Variants in WWOX observed in about 807,000 individuals in gnomAD.
The protein encoded by WWOX is WW domain-containing oxidoreductase.
In WWOX, 69 loss-of-function variants were observed where a neutral mutation model predicts 46.2. That is an observed-to-expected ratio of 1.49 (90% CI 1.23 to 1.82). The LOEUF is 1.82. Ranked by LOEUF, WWOX falls within the 40% of genes most tolerant of loss-of-function variation. WWOX has a pLI of 0.00. For synonymous variants in WWOX, 359 were observed against 202.6 expected (o/e 1.77, Z -6.56); for missense variants, 919 against 542.6 (o/e 1.69, Z -6.89).
intron 8 of WWOX, chr16:78,550,732 A>G (rs1005563471): frequency 6.6e-6 from 1 of 152,112 alleles, no homozygotes; most frequent in Admixed American, 6.5e-5. Flanking sequence ...GTTGGATGGG[A>G]AGGCGGGAAA....
intron 8 of WWOX, among the ~76,000 whole-genome samples, chr16:79,050,600 C>T (rs532645700): frequency 2.0e-5 from 3 of 152,270 alleles, no homozygotes; most frequent in African/African-American, 7.2e-5. Flanking sequence ...GAAGAATGGG[C>T]CCCTGACCCA....
intron 5 of WWOX, among the ~76,000 whole-genome samples, chr16:78,334,988 G>T (rs1437334040): frequency 1.3e-5 from 2 of 151,420 alleles, no homozygotes; most frequent in African/African-American, 2.4e-5. Flanking sequence ...CGAAGACAGA[G>T]ACCAGAGGTT....
chr16:78,243,635 C>G (rs1356172780), intron 5 of WWOX, among the ~76,000 whole-genome samples: 1 of 152,184 alleles, frequency 6.6e-6, no homozygotes, highest in Non-Finnish European at 1.5e-5. Context: ...CAACCTCCAC[C>G]TCCTGGGTTC....
chr16:79,111,263 G>A (rs914417224), intron 8 of WWOX, among the ~76,000 whole-genome samples: 16 of 152,242 alleles, frequency 1.1e-4, no homozygotes, highest in African/African-American at 3.6e-4. Context: ...CCGGGACACA[G>A]GTGACACTGT....
chr16:78,337,794 A>G (rs2080927586), intron 5 of WWOX, among the ~76,000 whole-genome samples: 1 of 56,354 alleles, frequency 1.8e-5, no homozygotes. Context: ...TGAATCTTGA[A>G]GCTAGAGTTT....
intron 8 of WWOX, among the ~76,000 whole-genome samples, chr16:79,011,340 A>C (rs1469225882): frequency 6.6e-6 from 1 of 151,668 alleles, no homozygotes; most frequent in Non-Finnish European, 1.5e-5. Context: ...CTCTACATTC[A>C]AATTTTCATG....
intron 8 of WWOX, among the ~76,000 whole-genome samples, chr16:78,730,071 G>T (rs1157937944): frequency 2.0e-5 from 3 of 152,066 alleles, no homozygotes; most frequent in Non-Finnish European, 1.5e-5. Flanking sequence ...TTTTAGTTGT[G>T]TACATGGTGG....
chr16:79,052,816 A>G (rs2048193914), intron 8 of WWOX, among the ~76,000 whole-genome samples: 1 of 152,218 alleles, frequency 6.6e-6, no homozygotes, highest in Non-Finnish European at 1.5e-5. Flanking sequence ...CTATTTCTTT[A>G]TGGCACTGAG....
intron 8 of WWOX, among the ~76,000 whole-genome samples, chr16:78,598,745 A>G (rs1027424185): frequency 6.6e-6 from 1 of 152,182 alleles, no homozygotes; most frequent in African/African-American, 2.4e-5. Flanking sequence ...GTGCCTGGAA[A>G]GGTCACTGGA....
chr16:78,774,523 TGTGTGTGTGC>T (rs1463223717), intron 8 of WWOX, among the ~76,000 whole-genome samples: 193 of 145,766 alleles, frequency 1.3e-3, no homozygotes, highest in African/African-American at 4.7e-3. Flanking sequence ...TGTGTGTGTG[TGTGTGTGTGC>T]GCGTGCGCAC....
chr16:78,642,650 C>T (rs555031072), intron 8 of WWOX, among the ~76,000 whole-genome samples: 24 of 152,192 alleles, frequency 1.6e-4, no homozygotes, highest in African/African-American at 5.5e-4. Context: ...TGAAGACTCC[C>T]TTTCATGTTT....
chr16:78,313,604 G>C (rs1343486774), intron 5 of WWOX, among the ~76,000 whole-genome samples: 1 of 152,192 alleles, frequency 6.6e-6, no homozygotes, highest in Non-Finnish European at 1.5e-5. Context: ...GACCTCAGGT[G>C]ATCTGCCTGC....
chr16:79,019,392 G>A (rs554097724), intron 8 of WWOX, among the ~76,000 whole-genome samples: 36 of 152,144 alleles, frequency 2.4e-4, no homozygotes, highest in Admixed American at 1.6e-3. Context: ...GCTATGCAAC[G>A]TGTGATTGGG....
At chr16:79,024,593 C>T (rs1264682848) in intron 8 of WWOX, among the ~76,000 whole-genome samples, 1 of 152,110 alleles carries the variant, frequency 6.6e-6, no homozygotes, top group Non-Finnish European at 1.5e-5. Context: ...ACCACCATGC[C>T]TGGCTAATTT....
In WWOX at chr16:78,992,410, T is replaced by A. The variant is rs114870693; in HGVS notation, c.1057-219198T>A. On this transcript the variant is annotated intron_variant, in intron 8 of 8. Transcript: ENST00000566780. The stretch of plus-strand genomic sequence containing the variant: ...TGAATCCGGGAGGCAGAGGTTGCAG[T>A]GAACCCAGATTGCGCCTCTGCACTC... Among the ~76,000 whole-genome samples, 735 of 152,244 alleles carry A rather than the reference T, an allele frequency of 4.8e-3. 4 individuals carry two copies. Among genetic ancestry groups the A allele is most frequent in the African/African-American group, 0.017 (694 of 41,546 alleles).
At chr16:78,114,818 G>A (rs1276428724) in intron 3 of WWOX, among the ~76,000 whole-genome samples, 158 bp from the exon 4 acceptor site, 3 of 152,078 alleles carry the variant, frequency 2.0e-5, no homozygotes, top group Non-Finnish European at 2.9e-5. Flanking sequence ...TCCTTCTGGA[G>A]GCCAGAAGAT....
chr16:78,299,595 G>A (rs916762037), intron 5 of WWOX, among the ~76,000 whole-genome samples: 3 of 149,888 alleles, frequency 2.0e-5, no homozygotes, highest in East Asian at 2.0e-4. Flanking sequence ...TGGCAAGATC[G>A]TAGCTCACTG....
chr16:78,484,274 A>C (rs1356567516), intron 8 of WWOX, among the ~76,000 whole-genome samples: 1 of 152,146 alleles, frequency 6.6e-6, no homozygotes, highest in Non-Finnish European at 1.5e-5. Context: ...AGTACTATAC[A>C]TTTGTCTTAA....
intron 8 of WWOX, among the ~76,000 whole-genome samples, chr16:78,579,410 C>G (rs953257394): frequency 6.6e-6 from 1 of 152,062 alleles, no homozygotes; most frequent in African/African-American, 2.4e-5. Flanking sequence ...GTTCACCAGG[C>G]AAACTGAGGA....
Sources: allele counts gnomAD v4.1 joint callset (sites outside exome capture counted in the v4.1 genomes callset), GRCh38; gene constraint gnomAD v4.1.1; transcripts MANE v1.5; gene names NCBI Gene and HGNC (gene_info 2026-07-23, HGNC 2026-07-21).